The following MCU variants were observed in gnomAD, a reference collection of about 807,000 sequenced individuals.
MCU encodes mitochondrial calcium uniporter.
Under a neutral mutation model 45.2 loss-of-function variants are expected in MCU, and 12 were observed. The ratio of observed to expected loss-of-function variants is 0.27; its 90% CI spans 0.17 to 0.43. The LOEUF (loss-of-function observed/expected upper bound fraction) is 0.43, where lower values mean the gene tolerates loss of function less well. Ranked by LOEUF, MCU falls within the 20% of genes least tolerant of loss-of-function variation. The probability of loss-of-function intolerance (pLI) is 1.00; values close to 1 mark genes in which losing one functional copy is unlikely to be tolerated. For missense variants in MCU, 324 were observed against 436.7 expected (o/e 0.74, Z 2.30); for synonymous variants, 160 against 165.1 (o/e 0.97, Z 0.24).
intron 1 of MCU, among the ~76,000 whole-genome samples, chr10:72,793,735 A>G (rs1844202715): frequency 6.6e-6 from 1 of 152,094 alleles, no homozygotes; most frequent in African/African-American, 2.4e-5. Context: ...TGTGTGACTT[A>G]GATTTCCTAA....
intron 1 of MCU, among the ~76,000 whole-genome samples, chr10:72,728,864 A>G (rs1379022574): frequency 6.6e-6 from 1 of 152,206 alleles, no homozygotes; most frequent in East Asian, 1.9e-4. Flanking sequence ...TGGAGGGATT[A>G]AAATTATTTG....
chr10:72,710,550 T>G (rs997217932), intron 1 of MCU, among the ~76,000 whole-genome samples: 8 of 146,714 alleles, frequency 5.5e-5, no homozygotes, highest in Non-Finnish European at 1.0e-4. Flanking sequence ...AAGGTTTTTT[T>G]TTTTTTTTTT....
chr10:72,825,780 G>T lies in MCU; in HGVS notation c.151-8579G>T, dbSNP rs147056085. Among the ~76,000 whole-genome samples the T allele has an allele frequency of 5.8e-3, 878 of 152,252 alleles. 11 individuals are homozygous for T. Among genetic ancestry groups the T allele is most frequent in the African/African-American group, 0.02 (827 of 41,544 alleles). On this transcript the variant is annotated intron_variant, in intron 1 of 7. Coordinates refer to ENST00000373053, the MANE Select transcript of MCU (RefSeq NM_138357.3). ...TTGTAGTGTGTGTCTTGTGTGTCAG[G>T]AAATAATGTATTTGTATTTATTTTC...
At chr10:72,813,844 G>T (rs1189240241) in intron 1 of MCU, among the ~76,000 whole-genome samples, 1 of 151,618 alleles carries the variant, frequency 6.6e-6, no homozygotes, top group African/African-American at 2.4e-5. Context: ...CACGATTGTT[G>T]TAAACAATTT....
intron 1 of MCU, among the ~76,000 whole-genome samples, chr10:72,755,867 GTCTC>G (rs1032918839): frequency 2.7e-5 from 4 of 149,764 alleles, no homozygotes; most frequent in African/African-American, 7.4e-5. Context: ...TTGAGACAGA[GTCTC>G]TCTCTCTGTT....
At chr10:72,825,961 A>G (rs1036448128) in intron 1 of MCU, among the ~76,000 whole-genome samples, 34 of 152,156 alleles carry the variant, frequency 2.2e-4, no homozygotes, top group African/African-American at 8.2e-4. Context: ...CTGCTATGTC[A>G]TGTTTCCTCT....
At chr10:72,846,152 C>T (rs978944936) in intron 2 of MCU, among the ~76,000 whole-genome samples, 1 of 152,106 alleles carries the variant, frequency 6.6e-6, no homozygotes. Flanking sequence ...AAGCACTTCT[C>T]CTGCCTCAGT....
In MCU at chr10:72,692,191, T is replaced by C; in HGVS notation, c.40T>C (p.Ser14Pro). Residue 14 changes from serine to proline, a missense_variant, in exon 1 of 8, where the codon TCC becomes CCC. By Grantham distance (74) the Ser-to-Pro change is moderately conservative. This residue lies in a region of MCU where 111 missense variants were observed against 112.3 expected (regional missense o/e 0.99). Transcript: ENST00000373053. ...AGGTAGATCGCTCCTGCTGCTCCTCTCCTCTCGGGGCGGCGGCGGCGGGGG... is the reference window on the plus strand; with the variant it reads ...AGGTAGATCGCTCCTGCTGCTCCTCCCCTCTCGGGGCGGCGGCGGCGGGGG... Reference protein sequence around the residue: ...AAGRSLLLLLSSRGGGGGGAG... With the variant: ...AAGRSLLLLLPSRGGGGGGAG... 1 of 1,273,344 alleles carries C rather than the reference T, an allele frequency of 7.9e-7. No homozygotes were observed. The highest frequency in any genetic ancestry group is 1.0e-6 in the Non-Finnish European group (1 of 1,002,702). The allele number at this position is 1,273,344 out of a possible 1,614,324, so 78.9% of individuals were successfully genotyped here. A position where few individuals can be genotyped will look rare whatever the true frequency, so the allele number is the denominator to read the frequency against.
intron 2 of MCU, among the ~76,000 whole-genome samples, chr10:72,857,962 G>A (rs1845318109): frequency 6.6e-6 from 1 of 152,158 alleles, no homozygotes; most frequent in Non-Finnish European, 1.5e-5. Context: ...AGACATTCAA[G>A]AGAACATGAA....
intron 1 of MCU, among the ~76,000 whole-genome samples, chr10:72,767,454 T>C (rs1326940930): frequency 1.3e-5 from 2 of 152,194 alleles, no homozygotes; most frequent in Non-Finnish European, 2.9e-5. Flanking sequence ...TGGTTTGTAA[T>C]ATCAAATAGG....
intron 4 of MCU, among the ~76,000 whole-genome samples, chr10:72,865,631 C>T (rs939336299): frequency 6.6e-6 from 1 of 152,066 alleles, no homozygotes; most frequent in African/African-American, 2.4e-5. Flanking sequence ...GCCCTGACCT[C>T]CCAGACTCAA....
At chr10:72,797,763 G>C (rs1009497546) in intron 1 of MCU, among the ~76,000 whole-genome samples, 1 of 152,050 alleles carries the variant, frequency 6.6e-6, no homozygotes, top group South Asian at 2.1e-4. Context: ...TCGAGCTCCT[G>C]ACCTCAGGTG....
chr10:72,732,832 AG>A (rs1429671596), intron 1 of MCU, among the ~76,000 whole-genome samples: 1 of 152,248 alleles, frequency 6.6e-6, no homozygotes, highest in Non-Finnish European at 1.5e-5. Context: ...CAACTTTTGT[AG>A]GAGCAAATGA....
intron 1 of MCU, among the ~76,000 whole-genome samples, chr10:72,705,198 T>A (rs1842804563): frequency 6.6e-6 from 1 of 152,118 alleles, no homozygotes; most frequent in South Asian, 2.1e-4. Flanking sequence ...TACTTTAAGT[T>A]CTGGGATATG....
intron 1 of MCU, among the ~76,000 whole-genome samples, chr10:72,760,138 G>A (rs1178911591): frequency 6.6e-6 from 1 of 151,648 alleles, no homozygotes; most frequent in Non-Finnish European, 1.5e-5. Context: ...TCGACCTTTT[G>A]TATTCAAGTG....
At chr10:72,737,536 C>CA (rs1331541974) in intron 1 of MCU, among the ~76,000 whole-genome samples, 1 of 132,614 alleles carries the variant, frequency 7.5e-6, no homozygotes, top group African/African-American at 2.8e-5. Context: ...TTTTTTTTTT[C>CA]AGAGATGGTA....
intron 1 of MCU, among the ~76,000 whole-genome samples, chr10:72,779,829 G>A (rs889797675): frequency 6.6e-6 from 1 of 152,130 alleles, no homozygotes; most frequent in Non-Finnish European, 1.5e-5. Context: ...ATTGCTGTTG[G>A]GATTGTAAAA....
At chr10:72,762,456 G>A (rs913482635) in intron 1 of MCU, among the ~76,000 whole-genome samples, 1 of 151,570 alleles carries the variant, frequency 6.6e-6, no homozygotes, top group Non-Finnish European at 1.5e-5. Context: ...CTACATACAT[G>A]CAAGTTCCAT....
At chr10:72,696,185 A>ATTTT (rs1554818423) in intron 1 of MCU, among the ~76,000 whole-genome samples, 1 of 109,976 alleles carries the variant, frequency 9.1e-6, no homozygotes, top group East Asian at 2.6e-4. Context: ...AAAAAAAAAA[A>ATTTT]TTTTTTTTTT....
Sources: gnomAD v4.1 joint callset for allele counts (sites outside exome capture counted in the v4.1 genomes callset) on GRCh38, gnomAD v4.1.1 for gene constraint, gnomAD v4.1.1 regional missense constraint, MANE v1.5 for transcripts, NCBI Gene and HGNC (gene_info 2026-07-23, HGNC 2026-07-21) for gene names.